Variants in IGSF11 observed in about 807,000 individuals in gnomAD.
The protein encoded by IGSF11 is CXADR like 1.
Under a neutral mutation model 41.0 loss-of-function variants are expected in IGSF11, and 22 were observed. The ratio of observed to expected loss-of-function variants is 0.54; its 90% confidence interval spans 0.38 to 0.77. The LOEUF (loss-of-function observed/expected upper bound fraction) is 0.77, where lower values mean the gene tolerates loss of function less well. Ranked by LOEUF, IGSF11 falls within the 30% of genes least tolerant of loss-of-function variation. The probability of loss-of-function intolerance (pLI) is 0.00; values close to 1 mark genes in which losing one functional copy is unlikely to be tolerated. For synonymous variants in IGSF11, 219 were observed against 201.3 expected, an observed-to-expected ratio of 1.09 and a Z score of -0.74; for missense variants, 444 against 530.8, an observed-to-expected ratio of 0.84 and a Z score of 1.61.
intron 1 of IGSF11, among the ~76,000 whole-genome samples, chr3:118,982,890 T>G (rs1449456031): frequency 2.0e-5 from 3 of 152,212 alleles, no homozygotes; most frequent in Non-Finnish European, 4.4e-5. Context: ...CCTATATGCA[T>G]TCAGAAGCTA....
intron 1 of IGSF11, among the ~76,000 whole-genome samples, chr3:118,995,185 T>C (rs1936145533): frequency 6.6e-6 from 1 of 152,244 alleles, no homozygotes; most frequent in South Asian, 2.1e-4. Context: ...TAGCCAATCA[T>C]TTGCAGAATG....
chr3:119,047,241 T>TCAGG (rs1175243218), intron 1 of IGSF11, among the ~76,000 whole-genome samples: 1 of 151,794 alleles, frequency 6.6e-6, no homozygotes, highest in Non-Finnish European at 1.5e-5. Flanking sequence ...TGTGCTGTAT[T>TCAGG]CAGGAAACCC....
chr3:118,983,365 G>C (rs1457432081), intron 1 of IGSF11: 1 of 152,140 alleles, frequency 6.6e-6, no homozygotes, highest in Non-Finnish European at 1.5e-5. Context: ...AATCTAAGAA[G>C]TGTGCTCCAG....
intron 1 of IGSF11, among the ~76,000 whole-genome samples, chr3:118,993,423 A>G (rs980568641): frequency 1.3e-5 from 2 of 152,234 alleles, no homozygotes; most frequent in Non-Finnish European, 2.9e-5. Context: ...AGAATGTAAA[A>G]GAGTGCAGTC....
rs147658804 is a variant in IGSF11, at chr3:118,978,780, A to T, written c.53-48505T>A. Among the ~76,000 whole-genome samples, 23 of 152,336 alleles carry T rather than the reference A, an allele frequency of 1.5e-4. No individual in the cohort carries two copies. The East Asian group carries it at 4.0e-3, about 27-fold the overall frequency. On this transcript the variant is annotated intron_variant, in intron 1 of 6. Transcript: ENST00000393775. Reference sequence around the variant, plus strand: ...CACCATATATTCATCTTCAGGAAAAAGTCCTCCCCTATGAAAGCAAAATCA... The same window carrying T: ...CACCATATATTCATCTTCAGGAAAATGTCCTCCCCTATGAAAGCAAAATCA...
chr3:119,017,998 A>C (rs757698944), intron 1 of IGSF11, among the ~76,000 whole-genome samples: 1 of 151,782 alleles, frequency 6.6e-6, no homozygotes, highest in Non-Finnish European at 1.5e-5. Flanking sequence ...GTAAGAACTG[A>C]GTTTTATACC....
intron 1 of IGSF11, among the ~76,000 whole-genome samples, chr3:119,097,750 G>A (rs370654376): frequency 2.0e-5 from 3 of 151,934 alleles, no homozygotes; most frequent in East Asian, 3.9e-4. Context: ...CACTTACTTC[G>A]ATGATGCTGT....
chr3:119,071,163 G>C (rs888189010), intron 1 of IGSF11, among the ~76,000 whole-genome samples: 1 of 152,204 alleles, frequency 6.6e-6, no homozygotes, highest in Non-Finnish European at 1.5e-5. Context: ...ACATTTTTGA[G>C]AGGAGGATGA....
upstream of IGSF11, among the ~76,000 whole-genome samples, chr3:119,038,185 A>G (rs1485698853): frequency 6.6e-6 from 1 of 152,252 alleles, no homozygotes; most frequent in South Asian, 2.1e-4. Context: ...AATGGGAAAC[A>G]AAATAGTGGC....
intron 1 of IGSF11, among the ~76,000 whole-genome samples, chr3:119,019,185 T>C (rs1339732229): frequency 1.3e-5 from 2 of 151,922 alleles, no homozygotes; most frequent in African/African-American, 2.4e-5. Context: ...GAGGTCAAAA[T>C]TGGTGCATCT....
intron 1 of IGSF11, among the ~76,000 whole-genome samples, chr3:119,111,000 C>G (rs2077147154): frequency 6.6e-6 from 1 of 151,696 alleles, no homozygotes; most frequent in Non-Finnish European, 1.5e-5. Flanking sequence ...GTAACCCGAC[C>G]TTTTTCTCTG....
chr3:119,065,455 T>C (rs1188703624), intron 1 of IGSF11, among the ~76,000 whole-genome samples: 1 of 152,170 alleles, frequency 6.6e-6, no homozygotes, highest in Non-Finnish European at 1.5e-5. Flanking sequence ...CCTTGTAATT[T>C]CCTTGTCAGT....
intron 1 of IGSF11, among the ~76,000 whole-genome samples, chr3:119,076,697 C>G (rs1450846799): frequency 6.6e-6 from 1 of 152,152 alleles, no homozygotes; most frequent in Non-Finnish European, 1.5e-5. Context: ...AAATGCAAAT[C>G]AAAATCACAG....
intron 1 of IGSF11, among the ~76,000 whole-genome samples, chr3:118,964,713 G>A (rs901043742): frequency 1.3e-5 from 2 of 151,898 alleles, no homozygotes; most frequent in African/African-American, 4.8e-5. Context: ...AATTTATGAG[G>A]AGAATATTAA....
At chr3:119,087,914 C>A (rs1466497724) in intron 1 of IGSF11, among the ~76,000 whole-genome samples, 1 of 151,974 alleles carries the variant, frequency 6.6e-6, no homozygotes, top group East Asian at 1.9e-4. Flanking sequence ...ATTGGAGCAC[C>A]AAGATTCATA....
At chr3:118,967,826 T>A (rs887255220) in intron 1 of IGSF11, among the ~76,000 whole-genome samples, 3 of 152,150 alleles carry the variant, frequency 2.0e-5, no homozygotes, top group Admixed American at 6.6e-5. Context: ...TCTATCTTAT[T>A]TTTTTACTAT....
At chr3:119,052,925 G>C (rs1941683607) in intron 1 of IGSF11, among the ~76,000 whole-genome samples, 1 of 152,134 alleles carries the variant, frequency 6.6e-6, no homozygotes, top group Non-Finnish European at 1.5e-5. Flanking sequence ...CTCTGAAAAA[G>C]CGTTTCACAA....
intron 1 of IGSF11, among the ~76,000 whole-genome samples, chr3:118,937,641 T>A (rs1421895978): frequency 7.2e-5 from 11 of 152,222 alleles, no homozygotes; most frequent in Admixed American, 7.2e-4. Flanking sequence ...TCATCTACAT[T>A]AATCAATTTA....
At chr3:118,962,588 G>C (rs975056717) in intron 1 of IGSF11, among the ~76,000 whole-genome samples, 4 of 152,140 alleles carry the variant, frequency 2.6e-5, no homozygotes, top group African/African-American at 4.8e-5. Context: ...CACTGAGTTT[G>C]ATGGTTCTGA....
Sources: allele counts gnomAD v4.1 joint callset (sites outside exome capture counted in the v4.1 genomes callset), GRCh38; gene constraint gnomAD v4.1.1; transcripts MANE v1.5; gene names NCBI Gene and HGNC (gene_info 2026-07-23, HGNC 2026-07-21).